ERGIC1: variants seen among roughly 807,000 people sequenced by gnomAD.
The protein encoded by ERGIC1 is endoplasmic reticulum-golgi intermediate compartment 1.
Under a neutral mutation model 38.3 loss-of-function variants are expected in ERGIC1, and 19 were observed. That is an observed-to-expected ratio of 0.50 (90% CI 0.35 to 0.73). The LOEUF is 0.73. Among genes scored for constraint, ERGIC1 ranks in the 30% least tolerant of loss-of-function variants. The pLI, the probability that ERGIC1 is intolerant of heterozygous loss-of-function variation, is 0.01. For missense variants in ERGIC1, 294 were observed against 389.2 expected (o/e 0.76, Z 2.06); for synonymous variants, 124 against 157.6 (o/e 0.79, Z 1.60).
chr5:172,895,905 G>A (rs1039514414), intron 2 of ERGIC1, among the ~76,000 whole-genome samples: 3 of 152,066 alleles, frequency 2.0e-5, no homozygotes, highest in Admixed American at 6.6e-5. Context: ...GTTGAGGGCC[G>A]GACTCTGGGG....
At chr5:172,920,570 A>G (rs1036739048) in intron 5 of ERGIC1, 1 of 640,822 alleles carries the variant, frequency 1.6e-6, no homozygotes, top group African/African-American at 1.8e-5. Context: ...ACAGGCTCTA[A>G]AAGCGTTGCT....
intron 8 of ERGIC1, 110 bp from the exon 9 acceptor site, chr5:172,935,078 A>G (rs950851532): frequency 4.0e-6 from 6 of 1,516,058 alleles, no homozygotes; most frequent in Non-Finnish European, 5.4e-6. Flanking sequence ...CGTGGGGCAG[A>G]GAGGGAGGAA....
chr5:172,940,117 C>CT (rs1244734736), intron 9 of ERGIC1, among the ~76,000 whole-genome samples: 1 of 151,898 alleles, frequency 6.6e-6, no homozygotes, highest in East Asian at 1.9e-4. Flanking sequence ...TGTGGGTGGG[C>CT]TGGAGGGAGG....
Position 172,834,629 on chromosome 5 carries a change from C to T in ERGIC1, c.20+196C>T, listed in dbSNP as rs1327077838. Among the ~76,000 whole-genome samples, 2 of 150,270 alleles carry T rather than the reference C, an allele frequency of 1.3e-5. No individual in the cohort carries two copies. Among genetic ancestry groups the T allele is most frequent in the Non-Finnish European group, 3.0e-5 (2 of 67,196 alleles). ...CCAGCCAGAGCCGCGGAGGCCCCCT[C>T]GTGCAGCGGGAGACAAATCCACCCA... On this transcript the variant is annotated intron_variant, in intron 1 of 9. Coordinates refer to ENST00000393784, the MANE Select transcript of ERGIC1 (RefSeq NM_001031711.3). The surrounding 1 kb of genome is among the most constrained non-coding windows in gnomAD (Gnocchi z 4.1).
intron 1 of ERGIC1, among the ~76,000 whole-genome samples, chr5:172,871,461 C>T (rs1762005790): frequency 6.6e-6 from 1 of 152,208 alleles, no homozygotes; most frequent in Non-Finnish European, 1.5e-5. Context: ...TCCGAAGGGC[C>T]CTGGCATTAC....
At chr5:172,906,434 G>A (rs752681099) in intron 3 of ERGIC1, among the ~76,000 whole-genome samples, 12 of 152,142 alleles carry the variant, frequency 7.9e-5, no homozygotes, top group South Asian at 2.1e-4. Flanking sequence ...ATGAATGCAC[G>A]TAGTAGGCCT....
intron 1 of ERGIC1, among the ~76,000 whole-genome samples, chr5:172,859,630 C>T (rs1201086786): frequency 6.6e-6 from 1 of 152,240 alleles, no homozygotes; most frequent in East Asian, 1.9e-4. Flanking sequence ...TTCTTTGCCA[C>T]CTCTGAGGGA....
intron 1 of ERGIC1, among the ~76,000 whole-genome samples, chr5:172,869,986 A>C (rs990141614): frequency 1.3e-5 from 2 of 152,198 alleles, no homozygotes; most frequent in Non-Finnish European, 2.9e-5. Flanking sequence ...TTGATCCCTG[A>C]GATGAAACCT....
At chr5:172,869,351 G>T (rs1474414107) in intron 1 of ERGIC1, among the ~76,000 whole-genome samples, 1 of 152,234 alleles carries the variant, frequency 6.6e-6, no homozygotes, top group African/African-American at 2.4e-5. Flanking sequence ...AGTACATTTT[G>T]CTCAGGAGCC....
chr5:172,941,526 T>A (rs59296297), intron 9 of ERGIC1, among the ~76,000 whole-genome samples: 3,903 of 152,058 alleles, frequency 0.026, 135 homozygotes, highest in East Asian at 0.12. Context: ...CTCTGCAACA[T>A]CCCCTACCCC....
At chr5:172,939,631 G>C (rs1028121065) in intron 9 of ERGIC1, among the ~76,000 whole-genome samples, 3 of 152,238 alleles carry the variant, frequency 2.0e-5, no homozygotes, top group Non-Finnish European at 2.9e-5. Flanking sequence ...CTCAAGCGTG[G>C]GCTGGCAAAG....
Position 172,883,762 on chromosome 5 carries a change from G to C in ERGIC1, c.21-4937G>C, listed in dbSNP as rs369951183. Among the ~76,000 whole-genome samples, 11 of 152,238 alleles carry C rather than the reference G, an allele frequency of 7.2e-5. No individual in the cohort carries two copies. The East Asian group carries it at 2.1e-3, about 29-fold the overall frequency. On this transcript the variant is annotated intron_variant, in intron 1 of 9. Coordinates refer to ENST00000393784, the MANE Select transcript of ERGIC1 (RefSeq NM_001031711.3). ...TTTGGGAGGCCGAGGCGGGCAGATC[G>C]CTTGAGCCCTGTAGTTGAAGACCAG...
chr5:172,916,128 G>C (rs976272979), intron 5 of ERGIC1: 3 of 153,726 alleles, frequency 2.0e-5, no homozygotes, highest in Non-Finnish European at 2.9e-5. Flanking sequence ...GGAAGGCCAG[G>C]CCTGGTCATC....
intron 7 of ERGIC1, among the ~76,000 whole-genome samples, chr5:172,928,116 G>A (rs758656610): frequency 2.0e-5 from 3 of 152,254 alleles, no homozygotes; most frequent in Non-Finnish European, 2.9e-5. Flanking sequence ...GTCATCCGAC[G>A]TCGGCCGTCC....
intron 8 of ERGIC1, 97 bp from the exon 9 acceptor site, chr5:172,935,091 C>T (rs2113472430): frequency 6.4e-7 from 1 of 1,572,872 alleles, no homozygotes; most frequent in East Asian, 2.2e-5. Context: ...GGGAGGAAAG[C>T]CCTTTCTGGA....
intron 2 of ERGIC1, among the ~76,000 whole-genome samples, chr5:172,890,577 A>T (rs961633880): frequency 2.0e-5 from 3 of 152,208 alleles, no homozygotes; most frequent in Non-Finnish European, 4.4e-5. Flanking sequence ...CTACAGTAAA[A>T]AGTTTTAAAA....
At chr5:172,943,802 G>A (rs1024010153) in intron 9 of ERGIC1, among the ~76,000 whole-genome samples, 2 of 152,336 alleles carry the variant, frequency 1.3e-5, no homozygotes, top group Middle Eastern at 6.8e-3. Flanking sequence ...TAATGGGGAG[G>A]GGAGTAATGA....
At chr5:172,868,625 C>T (rs182973389) in intron 1 of ERGIC1, among the ~76,000 whole-genome samples, 19 of 152,252 alleles carry the variant, frequency 1.2e-4, no homozygotes, top group Admixed American at 3.3e-4. Flanking sequence ...GTGATTGATA[C>T]GTGTCATTAG....
rs1421350348 is a variant in ERGIC1, at chr5:172,877,455, TATA to T, written c.21-11243_21-11241del. 1.2e-3 allele frequency among the ~76,000 whole-genome samples: 150 copies of T among 123,536 alleles called. 3 individuals are homozygous for T. Among genetic ancestry groups the T allele is most frequent in the Non-Finnish European group, 1.9e-3 (109 of 58,500 alleles). 81.0% of individuals were successfully genotyped at this position (123,536 alleles called of 152,430 possible). ...GTGTGTGTGTGTATATATATATATA[TATA>T]TTTTTTTTTTTTTTTTTTGAGATGG... On this transcript the variant is annotated intron_variant, in intron 1 of 9. Coordinates refer to ENST00000393784, the MANE Select transcript of ERGIC1 (RefSeq NM_001031711.3).
Sources: gnomAD v4.1 joint callset for allele counts (sites outside exome capture counted in the v4.1 genomes callset) on GRCh38, gnomAD v4.1.1 for gene constraint, Gnocchi (gnomAD v3.1) non-coding constraint, MANE v1.5 for transcripts, NCBI Gene and HGNC (gene_info 2026-07-23, HGNC 2026-07-21) for gene names.